Variants in MICU1 observed in about 807,000 individuals in gnomAD.
The protein encoded by MICU1 is calcium uptake protein 1, mitochondrial.
Under a neutral mutation model 56.8 loss-of-function variants are expected in MICU1, and 45 were observed. The ratio of observed to expected loss-of-function variants is 0.79; its 90% CI spans 0.62 to 1.02. The LOEUF is 1.02. MICU1 is among the 50% of genes least tolerant of loss of function. The pLI, the probability that MICU1 is intolerant of heterozygous loss-of-function variation, is 0.00. For synonymous variants in MICU1, 186 were observed against 195.1 expected (o/e 0.95, Z 0.39); for missense variants, 504 against 587.1 (o/e 0.86, Z 1.46).
chr10:72,464,832 T>C (rs1293075933), intron 8 of MICU1, among the ~76,000 whole-genome samples: 1 of 152,134 alleles, frequency 6.6e-6, no homozygotes, highest in African/African-American at 2.4e-5. Flanking sequence ...AGAGTTTGGC[T>C]TTGGATTTTA....
intron 1 of MICU1, among the ~76,000 whole-genome samples, chr10:72,604,839 C>A (rs1288253469): frequency 6.6e-6 from 1 of 152,094 alleles, no homozygotes; most frequent in Non-Finnish European, 1.5e-5. Flanking sequence ...TTTCTAGATA[C>A]CAGATCGTAA....
At chr10:72,522,803 C>T (rs564527499) in intron 5 of MICU1, among the ~76,000 whole-genome samples, 2 of 152,236 alleles carry the variant, frequency 1.3e-5, no homozygotes, top group South Asian at 4.1e-4. Context: ...GTTCATTGAC[C>T]TTTGGAAGCT....
chr10:72,514,883 G>C (rs1867597598), intron 5 of MICU1, among the ~76,000 whole-genome samples: 1 of 152,158 alleles, frequency 6.6e-6, no homozygotes, highest in African/African-American at 2.4e-5. Flanking sequence ...GTTCTCCCAT[G>C]TATCTCCTTA....
At chr10:72,459,573 C>G (rs1865585261) in intron 8 of MICU1, among the ~76,000 whole-genome samples, 2 of 152,138 alleles carry the variant, frequency 1.3e-5, no homozygotes, top group Non-Finnish European at 2.9e-5. Context: ...CCCATCTTGG[C>G]TCATTTACTT....
chr10:72,574,877 T>C (rs947549274), intron 1 of MICU1, among the ~76,000 whole-genome samples: 8 of 152,136 alleles, frequency 5.3e-5, no homozygotes, highest in African/African-American at 1.7e-4. Context: ...CTGGTGGAGA[T>C]GCCATTACTG....
intron 1 of MICU1, among the ~76,000 whole-genome samples, chr10:72,578,464 CA>C (rs1275026754): frequency 6.7e-6 from 1 of 149,518 alleles, no homozygotes; most frequent in African/African-American, 2.5e-5. Flanking sequence ...GGGGTTTCAC[CA>C]TGTTGGCCAG....
intron 1 of MICU1, among the ~76,000 whole-genome samples, chr10:72,597,634 GT>G (rs1266547465): frequency 6.6e-6 from 1 of 152,112 alleles, no homozygotes; most frequent in Non-Finnish European, 1.5e-5. Flanking sequence ...GTTCAGAAGT[GT>G]ACAGTCATAA....
At chr10:72,508,822 T>A (rs1196629672) in intron 5 of MICU1, among the ~76,000 whole-genome samples, 1 of 152,198 alleles carries the variant, frequency 6.6e-6, no homozygotes, top group East Asian at 1.9e-4. Flanking sequence ...GCAGAGTGAA[T>A]AGCATCTCTG....
rs12255153 is a variant in MICU1 at position 72,519,005 on chromosome 10, T to C, written c.538-10736A>G. On this transcript the variant is annotated intron_variant, in intron 5 of 11. Coordinates refer to ENST00000361114, the MANE Select transcript of MICU1 (RefSeq NM_001195518.2). The stretch of plus-strand genomic sequence containing the variant: ...CAGAATTGGATATTCTTAAAAGAGA[T>C]TGTAATTGCAGATACCTTACAGAGC... Among the ~76,000 whole-genome samples the C allele has an allele frequency of 2.7e-3, 405 of 152,314 alleles. 3 individuals are homozygous for C. Among genetic ancestry groups the C allele is most frequent in the African/African-American group, 9.0e-3 (373 of 41,576 alleles).
chr10:72,531,398 T>C (rs1458648611), intron 5 of MICU1: 1 of 152,122 alleles, frequency 6.6e-6, no homozygotes, highest in Non-Finnish European at 1.5e-5. Flanking sequence ...AGAATTAAGA[T>C]TTTCTGGATG....
intron 5 of MICU1, 44 bp downstream of exon 5, chr10:72,533,702 G>C: frequency 7.1e-7 from 1 of 1,408,942 alleles, no homozygotes; most frequent in Non-Finnish European, 9.8e-7. Context: ...AATCTTCTTA[G>C]TAAATGATAG....
intron 8 of MICU1, among the ~76,000 whole-genome samples, chr10:72,464,712 C>T (rs536781612): frequency 6.6e-6 from 1 of 152,124 alleles, no homozygotes; most frequent in Non-Finnish European, 1.5e-5. Flanking sequence ...TTAAGCAATA[C>T]ATAACTATAT....
chr10:72,568,955 T>C (rs562124704), intron 1 of MICU1, among the ~76,000 whole-genome samples: 2 of 150,744 alleles, frequency 1.3e-5, no homozygotes, highest in South Asian at 2.1e-4. Context: ...GGTTTCACCA[T>C]GTTGGCAAGG....
chr10:72,428,989 T>C (rs895467924), intron 8 of MICU1, among the ~76,000 whole-genome samples: 1 of 152,232 alleles, frequency 6.6e-6, no homozygotes, highest in Non-Finnish European at 1.5e-5. Flanking sequence ...TTCAAGGAAG[T>C]GGCTTACCCG....
intron 1 of MICU1, among the ~76,000 whole-genome samples, chr10:72,592,325 G>GA (rs928660186): frequency 9.3e-5 from 14 of 149,758 alleles, no homozygotes; most frequent in East Asian, 4.0e-4. Flanking sequence ...CTGTTTCAAG[G>GA]AAAAAAAAAA....
chr10:72,525,850 T>C (rs944775674), intron 5 of MICU1, among the ~76,000 whole-genome samples: 1 of 152,210 alleles, frequency 6.6e-6, no homozygotes, highest in African/African-American at 2.4e-5. Context: ...CCATCAGTTA[T>C]GTGGGAGAGC....
intron 10 of MICU1, among the ~76,000 whole-genome samples, chr10:72,389,954 C>T (rs1057467320): frequency 3.9e-5 from 6 of 152,184 alleles, no homozygotes; most frequent in African/African-American, 1.4e-4. Flanking sequence ...AGTGTGCGTA[C>T]GAATGAGCAA....
chr10:72,525,507 G>C (rs1480829709), intron 5 of MICU1, among the ~76,000 whole-genome samples: 1 of 152,148 alleles, frequency 6.6e-6, no homozygotes, highest in African/African-American at 2.4e-5. Flanking sequence ...CAAACTGGGG[G>C]CCTCTCTTTA....
At chr10:72,516,844 T>C (rs1867661288) in intron 5 of MICU1, among the ~76,000 whole-genome samples, 1 of 152,222 alleles carries the variant, frequency 6.6e-6, no homozygotes, top group Non-Finnish European at 1.5e-5. Context: ...AAGGTCTACA[T>C]TGTTCTTCCA....
Sources: allele counts gnomAD v4.1 joint callset (sites outside exome capture counted in the v4.1 genomes callset), GRCh38; gene constraint gnomAD v4.1.1; transcripts MANE v1.5; gene names NCBI Gene and HGNC (gene_info 2026-07-23, HGNC 2026-07-21).